GSE1: variants seen among roughly 807,000 people sequenced by gnomAD.
GSE1 encodes genetic suppressor element 1.
GSE1 carries 32 observed loss-of-function variants against 112.6 expected under a neutral mutation model. The ratio of observed to expected loss-of-function variants is 0.28; its 90% CI spans 0.21 to 0.38. GSE1 has a LOEUF of 0.38. Ranked by LOEUF, GSE1 falls within the 10% of genes least tolerant of loss-of-function variation. The pLI, the probability that GSE1 is intolerant of heterozygous loss-of-function variation, is 1.00. For missense variants in GSE1, 2,348 were observed against 1,699.2 expected, an observed-to-expected ratio of 1.38 and a Z score of -6.71; for synonymous variants, 1,115 against 735.6, an observed-to-expected ratio of 1.52 and a Z score of -8.35.
chr16:85,485,834 G>C (rs968953736), intron 2 of GSE1, among the ~76,000 whole-genome samples: 1 of 152,144 alleles, frequency 6.6e-6, no homozygotes, highest in Non-Finnish European at 1.5e-5. Flanking sequence ...TACCCAACCC[G>C]GGCCCCAGGT....
chr16:85,345,546 A>AAGG (rs2046716875), intron 1 of GSE1, among the ~76,000 whole-genome samples: 1 of 152,156 alleles, frequency 6.6e-6, no homozygotes, highest in Non-Finnish European at 1.5e-5. Flanking sequence ...GTCTTTTCAC[A>AAGG]AACATCCTCT....
At chr16:85,205,888 T>C (rs1264631126) in intron 1 of GSE1, among the ~76,000 whole-genome samples, 1 of 152,160 alleles carries the variant, frequency 6.6e-6, no homozygotes, top group Non-Finnish European at 1.5e-5. Flanking sequence ...AACAAGTACT[T>C]ACTGAGTGCC....
Position 85,654,859 on chromosome 16 carries a change from T to A in GSE1, c.665T>A (p.Phe222Tyr). ...GTGACCGAGGACTACCTGAGAAGCT[T>A]CCGGCCCTACCACACCACCGACGAC... Reference protein sequence around the residue: ...STVTEDYLRSFRPYHTTDDLR... With the variant: ...STVTEDYLRSYRPYHTTDDLR... The change falls in exon 5 of 16, where the codon TTC becomes TAC. Residue 222 changes from phenylalanine (F) to tyrosine (Y), a missense_variant. Phe to Tyr is a conservative substitution (Grantham distance 22). Transcript: ENST00000253458. The A allele has an allele frequency of 6.2e-7, 1 of 1,611,922 alleles. No individual in the cohort carries two copies. The highest frequency in any genetic ancestry group is 8.5e-7 in the Non-Finnish European group (1 of 1,179,548).
At chr16:85,423,449 C>A (rs78476725) in intron 2 of GSE1, among the ~76,000 whole-genome samples, 3,309 of 152,340 alleles carry the variant, frequency 0.022, 115 homozygotes, top group African/African-American at 0.076. Flanking sequence ...CTGCTGTTCC[C>A]ATCCAGCTGG....
intron 1 of GSE1, among the ~76,000 whole-genome samples, chr16:85,253,082 C>G (rs969606808): frequency 3.3e-5 from 4 of 122,778 alleles, no homozygotes; most frequent in Admixed American, 7.7e-5. Context: ...CCCCCCCCCC[C>G]ACCAGCAGGC....
At chr16:85,204,634 C>G (rs542723903) in intron 1 of GSE1, among the ~76,000 whole-genome samples, 1 of 152,384 alleles carries the variant, frequency 6.6e-6, no homozygotes, top group East Asian at 1.9e-4. Context: ...GAAGTGGTGT[C>G]TCCTGGTTAA....
intron 1 of GSE1, among the ~76,000 whole-genome samples, chr16:85,321,796 A>C (rs56008029): frequency 0.15 from 20,980 of 140,454 alleles, 1,642 homozygotes; most frequent in African/African-American, 0.27. Flanking sequence ...CTGTCTTAAA[A>C]AAAAAAAAAA....
chr16:85,443,330 C>T (rs1446307256), intron 2 of GSE1, among the ~76,000 whole-genome samples: 1 of 152,236 alleles, frequency 6.6e-6, no homozygotes, highest in Admixed American at 6.5e-5. Flanking sequence ...CAAGAGGCAG[C>T]GCAGTGCAGC....
chr16:85,320,994 G>A (rs945014605), intron 1 of GSE1, among the ~76,000 whole-genome samples: 14 of 152,080 alleles, frequency 9.2e-5, no homozygotes, highest in African/African-American at 3.1e-4. Flanking sequence ...CTTATTTAGC[G>A]TGGCTTAGTT....
At chr16:85,452,273 C>A (rs751526651) in intron 2 of GSE1, among the ~76,000 whole-genome samples, 4 of 152,192 alleles carry the variant, frequency 2.6e-5, no homozygotes, top group Admixed American at 6.5e-5. Context: ...CCTGCCAGCG[C>A]GGTTATTTAT....
intron 1 of GSE1, among the ~76,000 whole-genome samples, chr16:85,180,601 CTTAT>C (rs2074563482): frequency 1.3e-5 from 2 of 152,308 alleles, no homozygotes; most frequent in African/African-American, 4.8e-5. Context: ...TATAAGTGGG[CTTAT>C]TTGTTTTTAT....
At chr16:85,658,791 C>T (rs1030475996) in intron 8 of GSE1, among the ~76,000 whole-genome samples, 1 of 147,158 alleles carries the variant, frequency 6.8e-6, no homozygotes, top group Non-Finnish European at 1.5e-5. Context: ...GGTGCCCTGA[C>T]TCCTGTAGGC....
chr16:85,640,040 A>G (rs914063204), intron 2 of GSE1, among the ~76,000 whole-genome samples: 1 of 152,202 alleles, frequency 6.6e-6, no homozygotes, highest in Non-Finnish European at 1.5e-5. Flanking sequence ...GGGTGGCTCC[A>G]GAGCCTTCCC....
chr16:85,591,807 C>G (rs1460237067), intron 1 of GSE1, among the ~76,000 whole-genome samples: 1 of 152,234 alleles, frequency 6.6e-6, no homozygotes, highest in African/African-American at 2.4e-5. Context: ...GAATTCATCA[C>G]CAACAAAAGA....
At chr16:85,663,835 A>T (rs2052625397) in intron 11 of GSE1, among the ~76,000 whole-genome samples, 1 of 152,200 alleles carries the variant, frequency 6.6e-6, no homozygotes, top group African/African-American at 2.4e-5. Context: ...CACCATCTTG[A>T]CCTGAGGACT....
chr16:85,416,784 G>A (rs2048712582), intron 2 of GSE1, among the ~76,000 whole-genome samples: 1 of 152,246 alleles, frequency 6.6e-6, no homozygotes. Flanking sequence ...TGGATCCCGG[G>A]GCTTCTCAAC....
At chr16:85,307,627 AG>A (rs1162569912) in intron 1 of GSE1, among the ~76,000 whole-genome samples, 3 of 152,302 alleles carry the variant, frequency 2.0e-5, no homozygotes, top group East Asian at 3.9e-4. Context: ...ATTGCCAACC[AG>A]GGACGCTCCG....
chr16:85,455,033 C>T (rs1490474415), intron 2 of GSE1, among the ~76,000 whole-genome samples: 4 of 152,222 alleles, frequency 2.6e-5, no homozygotes. Flanking sequence ...TCTGTTTCCT[C>T]CTCCGTAAAT....
intron 1 of GSE1, among the ~76,000 whole-genome samples, chr16:85,629,110 T>C (rs2049320634): frequency 6.6e-6 from 1 of 152,240 alleles, no homozygotes; most frequent in South Asian, 2.1e-4. Context: ...TTCCCTCGCC[T>C]TCCGCCATGA....
Sources: allele counts gnomAD v4.1 joint callset (sites outside exome capture counted in the v4.1 genomes callset), GRCh38; gene constraint gnomAD v4.1.1; transcripts MANE v1.5; gene names NCBI Gene and HGNC (gene_info 2026-07-23, HGNC 2026-07-21).